The following PCSK2 variants were observed in gnomAD, a reference collection of about 807,000 sequenced individuals.
PCSK2 encodes proprotein convertase subtilisin/kexin type 2.
Under a neutral mutation model 69.7 loss-of-function variants are expected in PCSK2, and 14 were observed. That is an observed-to-expected ratio of 0.20 (90% confidence interval 0.13 to 0.31). PCSK2 has a LOEUF of 0.31. Ranked by LOEUF, PCSK2 falls within the 10% of genes least tolerant of loss-of-function variation. The pLI is 1.00. For synonymous variants in PCSK2, 307 were observed against 320.7 expected (o/e 0.96, Z 0.46); for missense variants, 544 against 842.5 (o/e 0.65, Z 4.39).
At chr20:17,284,935 G>A (rs1264335115) in intron 2 of PCSK2, among the ~76,000 whole-genome samples, 1 of 152,152 alleles carries the variant, frequency 6.6e-6, no homozygotes, top group Non-Finnish European at 1.5e-5. Flanking sequence ...AAACTGGTTG[G>A]CAACAACTGT....
At chr20:17,428,997 C>CAAAAAAAAAAAA (rs60206058) in intron 6 of PCSK2, among the ~76,000 whole-genome samples, 23 of 36,954 alleles carry the variant, frequency 6.2e-4, no homozygotes, top group African/African-American at 1.5e-3. Flanking sequence ...GACTCTGTCT[C>CAAAAAAAAAAAA]AAAAAAAAAA....
intron 1 of PCSK2, among the ~76,000 whole-genome samples, chr20:17,234,812 A>G (rs1986273818): frequency 6.6e-6 from 1 of 152,226 alleles, no homozygotes; most frequent in African/African-American, 2.4e-5. Flanking sequence ...CTAACTGCTC[A>G]AAGAGGTCTG....
intron 7 of PCSK2, among the ~76,000 whole-genome samples, chr20:17,433,939 C>CTCTCTCTCTACCT (rs1338263102): frequency 1.1e-4 from 14 of 132,552 alleles, no homozygotes; most frequent in African/African-American, 3.7e-4. Context: ...TCTCCTCTCC[C>CTCTCTCTCTACCT]TCTCTCTCTA....
chr20:17,455,518 T>C (rs976650994), intron 9 of PCSK2, among the ~76,000 whole-genome samples: 1 of 152,206 alleles, frequency 6.6e-6, no homozygotes, highest in African/African-American at 2.4e-5. Flanking sequence ...ATTTTAGATG[T>C]AGAGAAACAT....
intron 11 of PCSK2, among the ~76,000 whole-genome samples, chr20:17,466,814 T>G (rs2033109491): frequency 6.6e-6 from 1 of 152,192 alleles, no homozygotes; most frequent in South Asian, 2.1e-4. Context: ...TGCTTCCAGC[T>G]CGTCCACACG....
intron 1 of PCSK2, among the ~76,000 whole-genome samples, chr20:17,228,927 A>C (rs1986038203): frequency 6.6e-6 from 1 of 152,144 alleles, no homozygotes. Context: ...AGGGGAAAGA[A>C]GGCGCCGGCG....
intron 2 of PCSK2, among the ~76,000 whole-genome samples, chr20:17,305,268 A>G (rs1369860338): frequency 6.6e-6 from 1 of 152,258 alleles, no homozygotes; most frequent in Non-Finnish European, 1.5e-5. Flanking sequence ...TTTAAATATC[A>G]GAAGATTCTG....
rs1309035689 is a variant in PCSK2 at position 17,348,101 on chromosome 20, AAG to A, written c.283-10224_283-10223del. ...AAAGAAAGAAAGAAAGAAAGAAAGA[AAG>A]AAAAGAAAAGAAAGAGAGAGAGAAA... On this transcript the variant is annotated intron_variant, in intron 2 of 11. Transcript: ENST00000262545. Among the ~76,000 whole-genome samples, 71 of 148,992 alleles carry A rather than the reference AAG, an allele frequency of 4.8e-4. 1 individual carries two copies. The highest frequency in any genetic ancestry group is 7.4e-5 in the Non-Finnish European group (5 of 67,172).
chr20:17,324,977 A>G (rs1600492535), intron 2 of PCSK2, among the ~76,000 whole-genome samples: 1 of 152,236 alleles, frequency 6.6e-6, no homozygotes, highest in East Asian at 1.9e-4. Context: ...CTTGCCACAC[A>G]GTGTGCATAG....
chr20:17,445,669 C>T (rs1250662765), intron 8 of PCSK2, among the ~76,000 whole-genome samples: 1 of 152,212 alleles, frequency 6.6e-6, no homozygotes, highest in Non-Finnish European at 1.5e-5. Flanking sequence ...ATCAGAGCCA[C>T]GGGTCGTACA....
At chr20:17,421,294 C>G (rs1410077970) in intron 6 of PCSK2, among the ~76,000 whole-genome samples, 2 of 152,204 alleles carry the variant, frequency 1.3e-5, no homozygotes, top group Non-Finnish European at 2.9e-5. Context: ...TGCTTGCCAG[C>G]AGACTCAGGG....
chr20:17,391,943 A>AGGAAGGAAGGAAGGAG (rs1245778875), intron 5 of PCSK2, among the ~76,000 whole-genome samples: 1 of 148,418 alleles, frequency 6.7e-6, no homozygotes, highest in African/African-American at 2.5e-5. Flanking sequence ...GAAGGAAGGA[A>AGGAAGGAAGGAAGGAG]GGAAGGGGAA....
At chr20:17,255,135 C>T (rs1000039398) in intron 1 of PCSK2, among the ~76,000 whole-genome samples, 8 of 152,148 alleles carry the variant, frequency 5.3e-5, no homozygotes, top group African/African-American at 1.9e-4. Flanking sequence ...TTCTTTCTTT[C>T]CAATCTTGAT....
chr20:17,422,595 T>C (rs771189970), intron 6 of PCSK2, among the ~76,000 whole-genome samples: 3 of 147,424 alleles, frequency 2.0e-5, no homozygotes, highest in Non-Finnish European at 4.5e-5. Context: ...GTGGCCAAAA[T>C]AGAAGAAGAC....
chr20:17,266,985 A>G (rs1313535785), intron 2 of PCSK2, among the ~76,000 whole-genome samples: 1 of 152,164 alleles, frequency 6.6e-6, no homozygotes, highest in Non-Finnish European at 1.5e-5. Context: ...TACACCTGCC[A>G]TGCCCACTTC....
chr20:17,418,486 G>C (rs977737788), intron 6 of PCSK2, among the ~76,000 whole-genome samples: 2 of 152,168 alleles, frequency 1.3e-5, no homozygotes, highest in African/African-American at 4.8e-5. Flanking sequence ...GGTGCAGGAG[G>C]CAGCATTCTA....
intron 2 of PCSK2, among the ~76,000 whole-genome samples, chr20:17,309,046 G>A (rs1416249447): frequency 2.0e-5 from 3 of 152,184 alleles, no homozygotes; most frequent in African/African-American, 4.8e-5. Context: ...CATGGCAGAG[G>A]GAGTGAATGA....
intron 2 of PCSK2, among the ~76,000 whole-genome samples, chr20:17,336,867 G>A (rs1453765972): frequency 6.6e-6 from 1 of 152,148 alleles, no homozygotes; most frequent in Non-Finnish European, 1.5e-5. Context: ...TCGGAGGCTG[G>A]GGTCTGCATC....
At chr20:17,227,864 C>G (rs929894013) in intron 1 of PCSK2, among the ~76,000 whole-genome samples, 1 of 152,066 alleles carries the variant, frequency 6.6e-6, no homozygotes, top group Non-Finnish European at 1.5e-5. Context: ...AGGGAAGTCT[C>G]CCCCACCCCC....
Sources: gnomAD v4.1 joint callset for allele counts (sites outside exome capture counted in the v4.1 genomes callset) on GRCh38, gnomAD v4.1.1 for gene constraint, MANE v1.5 for transcripts, NCBI Gene and HGNC (gene_info 2026-07-23, HGNC 2026-07-21) for gene names.